GLI2: variants seen among roughly 807,000 people sequenced by gnomAD.
The protein encoded by GLI2 is GLI family zinc finger 2.
In GLI2, 22 loss-of-function variants were observed where a neutral mutation model predicts 78.9. The observed-to-expected ratio is 0.28, with a 90% CI of 0.20 to 0.40. GLI2 has a LOEUF of 0.40. Ranked by LOEUF, GLI2 falls within the 10% of genes least tolerant of loss-of-function variation. The probability of loss-of-function intolerance (pLI) is 1.00; values close to 1 mark genes in which losing one functional copy is unlikely to be tolerated. For missense variants in GLI2, 2,097 were observed against 2,213.2 expected, an observed-to-expected ratio of 0.95 and a Z score of 1.05; for synonymous variants, 974 against 963.7, an observed-to-expected ratio of 1.01 and a Z score of -0.20.
At chr2:120,847,099 G>C (rs966994481) in intron 2 of GLI2, among the ~76,000 whole-genome samples, 4 of 151,896 alleles carry the variant, frequency 2.6e-5, no homozygotes, top group Non-Finnish European at 5.9e-5. Flanking sequence ...CAAGAGGTGC[G>C]AGGAGGGCAA....
intron 3 of GLI2, among the ~76,000 whole-genome samples, chr2:120,934,179 T>G (rs890577677): frequency 1.3e-5 from 2 of 152,210 alleles, no homozygotes; most frequent in African/African-American, 4.8e-5. Flanking sequence ...GCTTGTTGGC[T>G]TTCTGGACTC....
chr2:120,907,977 A>G (rs181868147), intron 2 of GLI2, among the ~76,000 whole-genome samples: 1 of 152,198 alleles, frequency 6.6e-6, no homozygotes, highest in East Asian at 1.9e-4. Flanking sequence ...GAGCCAATTG[A>G]TCCTTTTTCA....
intron 2 of GLI2, among the ~76,000 whole-genome samples, chr2:120,832,719 G>A: frequency 6.6e-6 from 1 of 152,146 alleles, no homozygotes; most frequent in Non-Finnish European, 1.5e-5. Flanking sequence ...ACCTGGGCTG[G>A]AAGGTAGCTC....
intron 2 of GLI2, among the ~76,000 whole-genome samples, chr2:120,901,014 G>A (rs1237635035): frequency 6.6e-6 from 1 of 152,184 alleles, no homozygotes; most frequent in African/African-American, 2.4e-5. Flanking sequence ...ACCAGGGTAT[G>A]TTCTTTCTCA....
At chr2:120,806,145 A>G (rs1684939013) in intron 2 of GLI2, among the ~76,000 whole-genome samples, 1 of 152,058 alleles carries the variant, frequency 6.6e-6, no homozygotes, top group African/African-American at 2.4e-5. Flanking sequence ...ACCATTTATC[A>G]TTACTTGGGA....
At chr2:120,870,256 G>A (rs1365673270) in intron 2 of GLI2, among the ~76,000 whole-genome samples, 1 of 152,156 alleles carries the variant, frequency 6.6e-6, no homozygotes, top group Admixed American at 6.5e-5. Context: ...AGTTGATGCT[G>A]GAGAAACTAA....
At chr2:120,797,269 G>A (rs1285371282) in intron 1 of GLI2, 22 bp from the exon 2 acceptor site, 3 of 1,602,470 alleles carry the variant, frequency 1.9e-6, no homozygotes, top group Admixed American at 3.3e-5. Context: ...GTGTTGGTGA[G>A]TGTCTTTGTC....
At chr2:120,743,422 A>G (rs991062146) in intron 1 of GLI2, among the ~76,000 whole-genome samples, 30 of 152,148 alleles carry the variant, frequency 2.0e-4, no homozygotes, top group African/African-American at 7.2e-4. Flanking sequence ...TGGGCAACAT[A>G]GCGATACCCT....
chr2:120,918,887 C>T (rs955348928), intron 2 of GLI2, among the ~76,000 whole-genome samples: 2 of 152,214 alleles, frequency 1.3e-5, no homozygotes, highest in East Asian at 3.8e-4. Flanking sequence ...GGCTCAGGTG[C>T]GTTCTGCTCC....
At chr2:120,813,961 G>C (rs1177892994) in intron 2 of GLI2, among the ~76,000 whole-genome samples, 1 of 152,018 alleles carries the variant, frequency 6.6e-6, no homozygotes, top group Non-Finnish European at 1.5e-5. Context: ...GGAGTGGTGA[G>C]GTGAGACGGG....
At chr2:120,789,487 C>A (rs1277583273) in intron 1 of GLI2, among the ~76,000 whole-genome samples, 1 of 152,152 alleles carries the variant, frequency 6.6e-6, no homozygotes, top group African/African-American at 2.4e-5. Context: ...TGACTGGAAG[C>A]CACAGGGCAG....
At chr2:120,897,726 G>A (rs72835599) in intron 2 of GLI2, among the ~76,000 whole-genome samples, 2,441 of 152,250 alleles carry the variant, frequency 0.016, 24 homozygotes, top group Non-Finnish European at 0.022. Flanking sequence ...CTGATCTCAG[G>A]CCTGAAGATC....
chr2:120,963,094 A>G (rs1387952261), intron 5 of GLI2, among the ~76,000 whole-genome samples: 1 of 152,182 alleles, frequency 6.6e-6, no homozygotes, highest in East Asian at 1.9e-4. Context: ...GTGAATGTCT[A>G]ATGACAGCTG....
chr2:120,867,423 G>T (rs572526215), intron 2 of GLI2: 2 of 152,382 alleles, frequency 1.3e-5, no homozygotes, highest in East Asian at 1.9e-4. Flanking sequence ...GGCCGCCGCC[G>T]GTTATAAATG....
At chr2:120,759,441 T>A (rs1444945910) in intron 1 of GLI2, among the ~76,000 whole-genome samples, 1 of 152,178 alleles carries the variant, frequency 6.6e-6, no homozygotes, top group African/African-American at 2.4e-5. Flanking sequence ...GCCGCCTTCC[T>A]TGGGTTTGAT....
chr2:120,802,632 G>A (rs1440648127), intron 2 of GLI2, among the ~76,000 whole-genome samples: 2 of 152,170 alleles, frequency 1.3e-5, no homozygotes, highest in Non-Finnish European at 2.9e-5. Context: ...ACCTCTCTGT[G>A]TGCCTCACTG....
chr2:120,849,709 G>T (rs1375507361), intron 2 of GLI2, among the ~76,000 whole-genome samples: 1 of 152,230 alleles, frequency 6.6e-6, no homozygotes. Flanking sequence ...CAGGGTTTAA[G>T]TGACATCTGA....
intron 12 of GLI2, 56 bp downstream of exon 12, chr2:120,984,799 G>T (rs1167404857): frequency 1.8e-5 from 29 of 1,570,576 alleles, no homozygotes; most frequent in Non-Finnish European, 2.4e-5. Flanking sequence ...CGTGCCCAGG[G>T]CCACCCCTTG....
At position 120,924,397 on chromosome 2, in the gene GLI2, C is replaced by T. The variant is rs563075935; in HGVS notation, c.149-2964C>T. ...AAAGCCATTCAGAGCCTTCGATTCT[C>T]CTCTTGGCACTGTCGTTTTTTAGTC... On this transcript the variant is annotated intron_variant, in intron 2 of 13. Coordinates refer to ENST00000361492, the MANE Select transcript of GLI2 (RefSeq NM_001374353.1). Among the ~76,000 whole-genome samples, 6 of 152,262 alleles carry T rather than the reference C, an allele frequency of 3.9e-5. No individual in the cohort carries two copies. The East Asian group carries it at 9.7e-4, about 25-fold the overall frequency.
Sources: allele counts gnomAD v4.1 joint callset (sites outside exome capture counted in the v4.1 genomes callset), GRCh38; gene constraint gnomAD v4.1.1; transcripts MANE v1.5; gene names NCBI Gene and HGNC (gene_info 2026-07-23, HGNC 2026-07-21).